Variants in FRG1 observed in about 807,000 individuals in gnomAD.
The protein encoded by FRG1 is FSHD region gene 1.
A neutral mutation model predicts 37.0 loss-of-function variants in FRG1; 19 were observed. The observed-to-expected ratio is 0.51, with a 90% CI of 0.36 to 0.75. The LOEUF (loss-of-function observed/expected upper bound fraction) is 0.75, where lower values mean the gene tolerates loss of function less well. Among genes scored for constraint, FRG1 ranks in the 30% least tolerant of loss-of-function variants. FRG1 has a pLI of 0.00. For missense variants in FRG1, 243 were observed against 301.4 expected (o/e 0.81, Z 1.44); for synonymous variants, 73 against 96.5 (o/e 0.76, Z 1.43).
intron 2 of FRG1, among the ~76,000 whole-genome samples, chr4:189,943,793 T>C (rs905425793): frequency 3.3e-5 from 5 of 152,206 alleles, no homozygotes; most frequent in African/African-American, 1.2e-4. Flanking sequence ...TTCTTTTCCA[T>C]ACATATTTTT....
At chr4:189,959,581 A>T (rs916830109) in intron 6 of FRG1, among the ~76,000 whole-genome samples, 11 of 152,228 alleles carry the variant, frequency 7.2e-5, no homozygotes, top group African/African-American at 2.7e-4. Flanking sequence ...TTATTTATTT[A>T]TATTTTATTG....
At chr4:189,962,684 T>C (rs1320341992) in intron 8 of FRG1, among the ~76,000 whole-genome samples, 1 of 152,190 alleles carries the variant, frequency 6.6e-6, no homozygotes, top group African/African-American at 2.4e-5. Flanking sequence ...CAAATGAATA[T>C]GTATCTCATT....
chr4:189,945,405 A>G (rs1736484089), intron 2 of FRG1, among the ~76,000 whole-genome samples: 1 of 152,222 alleles, frequency 6.6e-6, no homozygotes, highest in Non-Finnish European at 1.5e-5. Context: ...GAAAACTTTT[A>G]TCAAAATGAG....
At chr4:189,947,291 G>A (rs1171540512) in intron 2 of FRG1, among the ~76,000 whole-genome samples, 3 of 150,006 alleles carry the variant, frequency 2.0e-5, no homozygotes, top group African/African-American at 5.0e-5. Context: ...CTGTCTACTT[G>A]AGCAGTTTTT....
intron 3 of FRG1, 118 bp downstream of exon 3, chr4:189,952,405 A>C (rs1736795579): frequency 8.0e-6 from 7 of 875,008 alleles, no homozygotes; most frequent in Middle Eastern, 3.7e-4. Context: ...ATTGCATTTG[A>C]CTCTTCCATT....
intron 1 of FRG1, chr4:189,941,924 T>A (rs769916468): frequency 2.4e-6 from 1 of 424,938 alleles, no homozygotes; most frequent in South Asian, 1.7e-5. Flanking sequence ...ATAGAAAGTA[T>A]CAAGGAGTGA....
intron 6 of FRG1, among the ~76,000 whole-genome samples, chr4:189,958,567 T>A (rs1737088950): frequency 6.6e-6 from 1 of 152,272 alleles, no homozygotes; most frequent in Admixed American, 6.5e-5. Context: ...AAATAAAAGT[T>A]CCTTATTCCA....
intron 1 of FRG1, chr4:189,941,982 G>C (rs1336743125): frequency 3.2e-5 from 8 of 251,972 alleles, no homozygotes; most frequent in Non-Finnish European, 6.6e-5. Flanking sequence ...CTGGCCTCAT[G>C]AAGATGCCAG....
At chr4:189,949,556 A>G (rs1349789596) in intron 2 of FRG1, among the ~76,000 whole-genome samples, 4 of 152,138 alleles carry the variant, frequency 2.6e-5, no homozygotes, top group African/African-American at 7.2e-5. Flanking sequence ...TTTCTTCTTC[A>G]TTTGCAAAAC....
Position 189,944,565 on chromosome 4 carries a change from C to T in FRG1, c.133+1293C>T, listed in dbSNP as rs1736449254. Among the ~76,000 whole-genome samples the T allele has an allele frequency of 2.0e-5, 3 of 151,900 alleles. No homozygotes were observed. In the South Asian group the frequency reaches 6.2e-4, roughly 32 times the overall value. ...TTTTTACATTAAATCTGTCATTCAT[C>T]TCAAATTAAATTTTGGCATGATGTT... is the stretch of plus-strand genomic sequence containing the variant. On this transcript the variant is annotated intron_variant, in intron 2 of 8. Transcript: ENST00000226798.
intron 2 of FRG1, among the ~76,000 whole-genome samples, chr4:189,951,625 C>T (rs549212157): frequency 6.6e-6 from 1 of 152,064 alleles, no homozygotes; most frequent in Non-Finnish European, 1.5e-5. Context: ...AGAGACCATT[C>T]TCTATATGTC....
At chr4:189,944,468 C>T (rs1561063202) in intron 2 of FRG1, among the ~76,000 whole-genome samples, 1 of 151,618 alleles carries the variant, frequency 6.6e-6, no homozygotes, top group Non-Finnish European at 1.5e-5. Context: ...TGTCTTTGAT[C>T]TAAGAGATCT....
chr4:189,957,062 GTTC>G (rs1209156628), intron 5 of FRG1, among the ~76,000 whole-genome samples: 3 of 152,092 alleles, frequency 2.0e-5, no homozygotes, highest in Admixed American at 2.0e-4. Flanking sequence ...TCATAATTAT[GTTC>G]TTGTCTTTAA....
At position 189,952,225 on chromosome 4, in the gene FRG1, A is replaced by G. The variant is rs147245145; in HGVS notation, c.197A>G (p.Lys66Arg). 196 of 1,608,076 alleles carry G rather than the reference A, an allele frequency of 1.2e-4. No individual in the cohort carries two copies. In the African/African-American group the frequency reaches 2.3e-3, roughly 19 times the overall value. ...GGAACCATAGCCATTGAAATGGATA[A>G]GGGAACCTATATACATGCACTCGAC... is the stretch of plus-strand genomic sequence containing the variant. ...ISGTIAIEMD[K>R]GTYIHALDNG... The change falls in exon 3 of 9, where the codon AAG becomes AGG. Residue 66 changes from lysine (K) to arginine (R), a missense_variant. By Grantham distance (26) the Lys-to-Arg change is conservative. Around this residue, in one of 2 missense-constraint regions of FRG1, gnomAD observed 110 missense variants for 102.2 expected, o/e 1.08. Coordinates refer to ENST00000226798, the MANE Select transcript of FRG1 (RefSeq NM_004477.3).
chr4:189,957,248 A>G (rs1369392842), intron 5 of FRG1, 150 bp from the exon 6 acceptor site: 28 of 1,078,544 alleles, frequency 2.6e-5, no homozygotes, highest in South Asian at 3.5e-5. Context: ...TTTCTTTTCT[A>G]TATGTTCTTG....
rs1352735924 is a variant in FRG1, at chr4:189,953,080, C to G, written c.272C>G (p.Pro91Arg). The G allele has an allele frequency of 4.4e-6, 7 of 1,585,460 alleles. No homozygotes were observed. The highest frequency in any genetic ancestry group is 6.0e-6 in the Non-Finnish European group (7 of 1,168,102). Residue 91 changes from proline (P) to arginine (R), a missense_variant, in exon 4 of 9, where the codon CCT (proline) becomes CGT (arginine). Transcript: ENST00000226798. ...TTTTCTCCAATAGTTGATGAGGGCC[C>G]TAGTCCTCCAGAGCAGTTTACGGCT... is the stretch of plus-strand genomic sequence containing the variant. ...GAPHKEVDEG[P>R]SPPEQFTAVK...
intron 2 of FRG1, among the ~76,000 whole-genome samples, chr4:189,944,586 ATGT>A (rs1287521070): frequency 6.6e-6 from 1 of 151,272 alleles, no homozygotes; most frequent in Non-Finnish European, 1.5e-5. Context: ...TTTTGGCATG[ATGT>A]TGTGAGTTCG....
intron 2 of FRG1, among the ~76,000 whole-genome samples, chr4:189,949,924 A>G (rs547823892): frequency 4.5e-4 from 68 of 152,292 alleles, no homozygotes; most frequent in Non-Finnish European, 7.8e-4. Flanking sequence ...TTTTACGTGT[A>G]TGCTTCAGTG....
intron 4 of FRG1, among the ~76,000 whole-genome samples, chr4:189,953,850 G>A (rs1227503086): frequency 6.6e-6 from 1 of 151,292 alleles, no homozygotes; most frequent in East Asian, 1.9e-4. Flanking sequence ...TAAAAGCAGA[G>A]GAAGAAAAAA....
Sources: allele counts gnomAD v4.1 joint callset (sites outside exome capture counted in the v4.1 genomes callset), GRCh38; gene constraint gnomAD v4.1.1; regional missense constraint gnomAD v4.1.1; transcripts MANE v1.5; gene names NCBI Gene and HGNC (gene_info 2026-07-23, HGNC 2026-07-21).